RAI1: variants seen among roughly 807,000 people sequenced by gnomAD.
RAI1 encodes the protein retinoic acid induced 1, also known as retinoic acid-induced protein 1.
Under a neutral mutation model 123.8 loss-of-function variants are expected in RAI1, and 9 were observed. The ratio of observed to expected loss-of-function variants is 0.07; its 90% CI spans 0.04 to 0.13. RAI1 has a LOEUF of 0.13. Among genes scored for constraint, RAI1 ranks in the 10% least tolerant of loss-of-function variants. The pLI, the probability that RAI1 is intolerant of heterozygous loss-of-function variation, is 1.00. For synonymous variants in RAI1, 1,231 were observed against 1,127.3 expected (o/e 1.09, Z -1.84); for missense variants, 2,256 against 2,545.8 (o/e 0.89, Z 2.45).
chr17:17,700,069 A>G lies in RAI1; in HGVS notation c.-149+18276A>G, dbSNP rs191830320. On this transcript the variant is annotated intron_variant, in intron 1 of 5. Coordinates refer to ENST00000353383, the MANE Select transcript of RAI1 (RefSeq NM_030665.4). ...TTTATGCTAAATCCTTAAAACTCACATAAGCCTTGGCTGCTATCGTTGTTG... is the reference window on the plus strand; with the variant it reads ...TTTATGCTAAATCCTTAAAACTCACGTAAGCCTTGGCTGCTATCGTTGTTG... Among the ~76,000 whole-genome samples, 6 of 152,372 alleles carry G rather than the reference A, an allele frequency of 3.9e-5. No individual in the cohort carries two copies. The East Asian group carries it at 7.7e-4, about 20-fold the overall frequency.
At chr17:17,686,714 A>C (rs1914653608) in intron 1 of RAI1, among the ~76,000 whole-genome samples, 1 of 149,768 alleles carries the variant, frequency 6.7e-6, no homozygotes, top group Non-Finnish European at 1.5e-5. Flanking sequence ...GGACAGGGAG[A>C]GATGGAAGTG....
At position 17,798,180 on chromosome 17, in the gene RAI1, G is replaced by C. The variant is rs772993119; in HGVS notation, c.5232G>C (p.Glu1744Asp). 1 of 1,612,312 alleles carries C rather than the reference G, an allele frequency of 6.2e-7. No individual in the cohort carries two copies. The highest frequency in any genetic ancestry group is 2.2e-5 in the East Asian group (1 of 44,874). ...TTGAGAGAACACTCAAAGGTCCCGA[G>C]TGTGCAGCTGCCGCCACTGCCGGGA... Reference protein sequence around the residue: ...LPLERTLKGPECAAAATAGKP... With the variant: ...LPLERTLKGPDCAAAATAGKP... The change falls in exon 3 of 6, where the codon GAG (glutamate) becomes GAC (aspartate). Residue 1744 changes from glutamate (E) to aspartate (D), a missense_variant. Transcript: ENST00000353383.
intron 1 of RAI1, chr17:17,683,774 C>T (rs1209897690): frequency 6.6e-6 from 1 of 152,264 alleles, no homozygotes; most frequent in African/African-American, 2.4e-5. Flanking sequence ...CCTAGCATCC[C>T]TCTGGCTTCT....
intron 1 of RAI1, among the ~76,000 whole-genome samples, chr17:17,700,955 G>A (rs1276973752): frequency 1.3e-5 from 2 of 152,202 alleles, no homozygotes; most frequent in Non-Finnish European, 2.9e-5. Context: ...CGCTCTTGAG[G>A]GTTGAATGTG....
intron 2 of RAI1, among the ~76,000 whole-genome samples, chr17:17,753,054 C>A (rs2030279382): frequency 6.6e-6 from 1 of 152,168 alleles, no homozygotes; most frequent in Non-Finnish European, 1.5e-5. Flanking sequence ...GCCTTCAGAC[C>A]CAGACACAGA....
At chr17:17,700,546 G>A (rs749262769) in intron 1 of RAI1, among the ~76,000 whole-genome samples, 2 of 152,150 alleles carry the variant, frequency 1.3e-5, no homozygotes, top group African/African-American at 2.4e-5. Flanking sequence ...ACCTGCCCGG[G>A]CCTGAGGCGC....
At chr17:17,764,384 C>T (rs1040163310) in intron 2 of RAI1, among the ~76,000 whole-genome samples, 2 of 152,174 alleles carry the variant, frequency 1.3e-5, no homozygotes, top group Non-Finnish European at 1.5e-5. Flanking sequence ...CCCTTATCCC[C>T]CTCATCAGGC....
At chr17:17,688,025 C>CAAAAAAAAAA (rs61049701) in intron 1 of RAI1, among the ~76,000 whole-genome samples, 2 of 90,032 alleles carry the variant, frequency 2.2e-5, no homozygotes, top group Non-Finnish European at 2.1e-5. Flanking sequence ...GACTCTGTCT[C>CAAAAAAAAAA]AAAAAAAAAA....
intron 1 of RAI1, among the ~76,000 whole-genome samples, chr17:17,718,256 T>TGG (rs1915771095): frequency 6.6e-6 from 1 of 151,756 alleles, no homozygotes; most frequent in African/African-American, 2.4e-5. Context: ...ATCAGGGGAG[T>TGG]TGGGACACTG....
intron 2 of RAI1, among the ~76,000 whole-genome samples, chr17:17,773,285 T>G (rs2031230148): frequency 6.6e-6 from 1 of 152,076 alleles, no homozygotes. Flanking sequence ...AGGCTCAGGA[T>G]GAGCTGGAGA....
chr17:17,788,641 C>T (rs1313425916), intron 2 of RAI1, among the ~76,000 whole-genome samples: 2 of 152,136 alleles, frequency 1.3e-5, no homozygotes, highest in Non-Finnish European at 2.9e-5. Flanking sequence ...GAAAACAGGT[C>T]ATAAAACCAC....
intron 2 of RAI1, among the ~76,000 whole-genome samples, chr17:17,761,780 G>T (rs565126195): frequency 1.8e-4 from 28 of 152,284 alleles, no homozygotes; most frequent in Middle Eastern, 3.4e-3. Flanking sequence ...GGCCAAGGAG[G>T]CAGGGACAGT....
At chr17:17,747,313 C>T (rs2029963404) in intron 2 of RAI1, among the ~76,000 whole-genome samples, 1 of 152,222 alleles carries the variant, frequency 6.6e-6, no homozygotes, top group South Asian at 2.1e-4. Flanking sequence ...CTCCAGCCAG[C>T]CCTGAGCTCA....
At chr17:17,745,405 TTGTGTGTGTGTG>T (rs112938506) in intron 2 of RAI1, among the ~76,000 whole-genome samples, 4 of 147,654 alleles carry the variant, frequency 2.7e-5, no homozygotes, top group African/African-American at 1.0e-4. Flanking sequence ...TTGAAGGCTT[TTGTGTGTGTGTG>T]TGTGTGTGTG....
chr17:17,791,213 C>T (rs1374823087), intron 2 of RAI1, among the ~76,000 whole-genome samples: 2 of 152,212 alleles, frequency 1.3e-5, no homozygotes, highest in Admixed American at 6.5e-5. Flanking sequence ...GAGAGGTGGT[C>T]CCAGGACTGG....
intron 1 of RAI1, among the ~76,000 whole-genome samples, chr17:17,721,764 G>A (rs990115258): frequency 6.6e-6 from 1 of 152,218 alleles, no homozygotes; most frequent in African/African-American, 2.4e-5. Flanking sequence ...TGGTCCCCAA[G>A]ACAGATATTG....
intron 2 of RAI1, among the ~76,000 whole-genome samples, chr17:17,763,322 G>A (rs1298156815): frequency 3.3e-5 from 5 of 152,228 alleles, no homozygotes; most frequent in South Asian, 2.1e-4. Context: ...GATCCAGACC[G>A]GGAGCTGCCT....
intron 1 of RAI1, among the ~76,000 whole-genome samples, chr17:17,706,022 CAAA>C (rs1197967787): frequency 5.9e-4 from 22 of 37,382 alleles, no homozygotes; most frequent in Non-Finnish European, 1.0e-3. Flanking sequence ...GACTCTGTCT[CAAA>C]AAAAAAAAAA....
In RAI1 at chr17:17,795,476, ACTG is replaced by A. The variant is rs1250067343; in HGVS notation, c.2532_2534del (p.Cys845del). 6.3e-7 allele frequency: 1 copy of A among 1,585,404 alleles called. No homozygotes were observed. Among genetic ancestry groups the A allele is most frequent in the East Asian group, 2.3e-5 (1 of 43,556 alleles). The stretch of plus-strand genomic sequence containing the variant: ...GACCGGTGGCTGGAGGACAGCCGGC[ACTG>A]CTGTTCCACCGCCGACTTCGGGGAC... On this transcript the variant is annotated inframe_deletion, in exon 3 of 6. Transcript: ENST00000353383. This position sits in a 1 kb window ranked among gnomAD's most constrained non-coding sequence, Gnocchi z 5.9.
Sources: allele counts gnomAD v4.1 joint callset (sites outside exome capture counted in the v4.1 genomes callset), GRCh38; gene constraint gnomAD v4.1.1; non-coding constraint Gnocchi (gnomAD v3.1); transcripts MANE v1.5; gene names NCBI Gene and HGNC (gene_info 2026-07-23, HGNC 2026-07-21).